GALNTL6: variants seen among roughly 807,000 people sequenced by gnomAD.
GALNTL6 encodes the protein polypeptide N-acetylgalactosaminyltransferase-like 6.
A neutral mutation model predicts 73.7 loss-of-function variants in GALNTL6; 46 were observed. The ratio of observed to expected loss-of-function variants is 0.62; its 90% CI spans 0.49 to 0.80. The LOEUF is 0.80. Ranked by LOEUF, GALNTL6 falls within the 30% of genes least tolerant of loss-of-function variation. GALNTL6 has a pLI of 0.00. For synonymous variants in GALNTL6, 259 were observed against 263.7 expected (o/e 0.98, Z 0.17); for missense variants, 604 against 755.0 (o/e 0.80, Z 2.34).
rs149927147 is a variant in GALNTL6, at chr4:173,041,003, A to C, written c.*903A>C. 6.3e-4 allele frequency: 96 copies of C among 152,448 alleles called. No individual in the cohort carries two copies. Among genetic ancestry groups the C allele is most frequent in the African/African-American group, 1.9e-3 (81 of 41,554 alleles). 9.4% of individuals were successfully genotyped at this position (152,448 alleles called of 1,614,324 possible). ...AAAAGTCTGATATTTGTCCAGTCAT[A>C]ATTTTTATTAAGCAAGGAAATGGAG... is the stretch of plus-strand genomic sequence containing the variant. On this transcript the variant is annotated 3_prime_UTR_variant, in exon 13 of 13. Coordinates refer to ENST00000506823, the MANE Select transcript of GALNTL6 (RefSeq NM_001034845.3).
intron 2 of GALNTL6, among the ~76,000 whole-genome samples, chr4:172,049,956 C>T (rs1730795398): frequency 1.3e-5 from 2 of 151,482 alleles, no homozygotes; most frequent in Admixed American, 6.6e-5. Context: ...TGCACTACAG[C>T]CAGGGTGACA....
intron 7 of GALNTL6, among the ~76,000 whole-genome samples, chr4:172,832,616 C>T (rs948523195): frequency 5.9e-5 from 9 of 152,142 alleles, no homozygotes; most frequent in Admixed American, 1.3e-4. Context: ...TTGGGCCAGG[C>T]CCCGGTAGAC....
intron 5 of GALNTL6, among the ~76,000 whole-genome samples, chr4:172,706,686 A>G (rs1041822087): frequency 1.3e-5 from 2 of 152,154 alleles, no homozygotes; most frequent in African/African-American, 4.8e-5. Flanking sequence ...CAGATTTGCC[A>G]TAACTCTTGA....
intron 8 of GALNTL6, among the ~76,000 whole-genome samples, chr4:172,888,801 CATTGGT>C (rs1745865345): frequency 6.6e-6 from 1 of 152,130 alleles, no homozygotes; most frequent in East Asian, 1.9e-4. Context: ...TGAAAAACGA[CATTGGT>C]AATTTGACAG....
At chr4:172,422,696 C>A (rs1312841571) in intron 5 of GALNTL6, among the ~76,000 whole-genome samples, 7 of 151,808 alleles carry the variant, frequency 4.6e-5, no homozygotes, top group Admixed American at 4.6e-4. Context: ...TATTTGTCAT[C>A]TCCATTTACA....
At chr4:172,546,809 T>TATATATATGTGTATATATAC (rs1445157203) in intron 5 of GALNTL6, among the ~76,000 whole-genome samples, 1 of 58,144 alleles carries the variant, frequency 1.7e-5, no homozygotes, top group African/African-American at 5.5e-5. Flanking sequence ...TATATATACG[T>TATATATATGTGTATATATAC]ATATATATAC....
intron 5 of GALNTL6, among the ~76,000 whole-genome samples, chr4:172,774,108 A>C (rs10034905): frequency 1.3e-5 from 2 of 151,854 alleles, no homozygotes; most frequent in African/African-American, 2.4e-5. Flanking sequence ...TTTTTGCACA[A>C]CGAATTCAAG....
At chr4:172,574,644 A>T (rs1245124712) in intron 5 of GALNTL6, among the ~76,000 whole-genome samples, 1 of 151,814 alleles carries the variant, frequency 6.6e-6, no homozygotes, top group Non-Finnish European at 1.5e-5. Flanking sequence ...GCAACAACTA[A>T]TAACAATAAA....
intron 5 of GALNTL6, among the ~76,000 whole-genome samples, chr4:172,453,916 C>T (rs866392144): frequency 3.3e-5 from 5 of 151,990 alleles, no homozygotes; most frequent in Admixed American, 6.6e-5. Flanking sequence ...ATGCCCCATT[C>T]GTAAAATAAA....
Position 172,311,695 on chromosome 4 carries a change from T to C in GALNTL6, c.329T>C (p.Ile110Thr). 6.2e-7 allele frequency: 1 copy of C among 1,611,550 alleles called. No individual in the cohort carries two copies. The highest frequency in any genetic ancestry group is 1.1e-5 in the South Asian group (1 of 90,830). The change falls in exon 4 of 13, where the codon ATT becomes ACT. Residue 110 changes from isoleucine (I) to threonine (T), a missense_variant. This residue lies in a region of GALNTL6 where 141 missense variants were observed against 156.6 expected (regional missense o/e 0.90). Transcript: ENST00000506823. ...DSAYRENGFN[I>T]FVSNNIALER... is the part of the protein sequence containing the mutation. Reference sequence around the variant, plus strand: ...GCTTACAGGGAAAATGGTTTTAATATTTTCGTCAGCAACAATATTGCTCTA... The same window carrying C: ...GCTTACAGGGAAAATGGTTTTAATACTTTCGTCAGCAACAATATTGCTCTA...
At chr4:171,965,989 C>A (rs1246065471) in intron 2 of GALNTL6, among the ~76,000 whole-genome samples, 1 of 152,094 alleles carries the variant, frequency 6.6e-6, no homozygotes, top group African/African-American at 2.4e-5. Flanking sequence ...AAAAAGCAAT[C>A]TTGAGTTTAT....
intron 5 of GALNTL6, among the ~76,000 whole-genome samples, chr4:172,616,970 A>G (rs1449417266): frequency 6.6e-6 from 1 of 152,104 alleles, no homozygotes; most frequent in African/African-American, 2.4e-5. Context: ...CTTTATTCCC[A>G]GATAAAAAGT....
chr4:171,867,823 C>G (rs765434277), intron 2 of GALNTL6, among the ~76,000 whole-genome samples: 21 of 152,166 alleles, frequency 1.4e-4, no homozygotes, highest in African/African-American at 9.7e-5. Flanking sequence ...ACCTCTCTAA[C>G]AGCTCACTAC....
chr4:172,066,046 T>A (rs925567750), intron 2 of GALNTL6, among the ~76,000 whole-genome samples: 3 of 152,022 alleles, frequency 2.0e-5, no homozygotes, highest in African/African-American at 7.2e-5. Context: ...ATTACCAACA[T>A]CCCCCACAAG....
At chr4:172,762,301 A>C (rs1486363902) in intron 5 of GALNTL6, among the ~76,000 whole-genome samples, 1 of 152,212 alleles carries the variant, frequency 6.6e-6, no homozygotes, top group African/African-American at 2.4e-5. Context: ...TCACTTCTTG[A>C]GACACCGAAT....
At chr4:172,884,735 G>A (rs187163600) in intron 8 of GALNTL6, among the ~76,000 whole-genome samples, 1 of 152,242 alleles carries the variant, frequency 6.6e-6, no homozygotes, top group African/African-American at 2.4e-5. Context: ...TTTTCTTCTA[G>A]TAGTTTCATA....
intron 10 of GALNTL6, among the ~76,000 whole-genome samples, chr4:172,957,142 C>A (rs913170327): frequency 5.9e-5 from 9 of 152,148 alleles, no homozygotes; most frequent in African/African-American, 2.2e-4. Flanking sequence ...TGGGCGGGAG[C>A]AAATCCCCGA....
At chr4:173,024,965 T>A (rs1021357375) in intron 12 of GALNTL6, among the ~76,000 whole-genome samples, 5 of 152,200 alleles carry the variant, frequency 3.3e-5, no homozygotes, top group African/African-American at 9.7e-5. Context: ...TTGGATTCAG[T>A]GTCACTGATA....
intron 2 of GALNTL6, among the ~76,000 whole-genome samples, chr4:172,005,519 C>T (rs544726908): frequency 5.9e-5 from 9 of 152,230 alleles, no homozygotes; most frequent in African/African-American, 2.2e-4. Flanking sequence ...AACTAGTTAT[C>T]ATTTACTAAC....
Sources: allele counts gnomAD v4.1 joint callset (sites outside exome capture counted in the v4.1 genomes callset), GRCh38; gene constraint gnomAD v4.1.1; regional missense constraint gnomAD v4.1.1; transcripts MANE v1.5; gene names NCBI Gene and HGNC (gene_info 2026-07-23, HGNC 2026-07-21).